ICE2: variants seen among roughly 807,000 people sequenced by gnomAD.
ICE2 encodes the protein little elongation complex subunit 2.
ICE2 carries 87 observed loss-of-function variants against 105.4 expected under a neutral mutation model. The observed-to-expected ratio is 0.83, with a 90% CI of 0.69 to 0.99. The LOEUF (loss-of-function observed/expected upper bound fraction) is 0.99, where lower values mean the gene tolerates loss of function less well. Ranked by LOEUF, ICE2 falls within the 50% of genes least tolerant of loss-of-function variation. ICE2 has a pLI of 0.00. For synonymous variants in ICE2, 399 were observed against 392.0 expected (o/e 1.02, Z -0.21); for missense variants, 1,323 against 1,146.7 (o/e 1.15, Z -2.22).
intron 3 of ICE2, among the ~76,000 whole-genome samples, chr15:60,469,291 G>A (rs951478954): frequency 1.3e-5 from 2 of 152,116 alleles, no homozygotes; most frequent in Non-Finnish European, 1.5e-5. Flanking sequence ...TGGGCGTGTT[G>A]CGGGGTGGGG....
intron 13 of ICE2, among the ~76,000 whole-genome samples, chr15:60,432,529 G>A (rs987886407): frequency 6.6e-6 from 1 of 151,304 alleles, no homozygotes; most frequent in East Asian, 2.0e-4. Flanking sequence ...TTATCATAAT[G>A]TATTTGGCTT....
chr15:60,445,571 TAGAC>T lies in ICE2; in HGVS notation c.2295+2395_2295+2398del, dbSNP rs2063805113. The T allele has an allele frequency of 1.1e-5, 11 of 962,538 alleles. No homozygotes were observed. The South Asian group carries it at 5.3e-4, about 46-fold the overall frequency. 59.6% of individuals were successfully genotyped at this position (962,538 alleles called of 1,614,324 possible). On this transcript the variant is annotated intron_variant, in intron 11 of 15. Transcript: ENST00000261520. Reference sequence around the variant, plus strand: ...CAATCAGAAATATAAGCCTTCTATTTAGACAGTCTTTAGGGTGTGACTATTTTGA... The same window carrying T: ...CAATCAGAAATATAAGCCTTCTATTTAGTCTTTAGGGTGTGACTATTTTGA...
chr15:60,456,592 C>A (rs1485977057), intron 6 of ICE2, 65 bp downstream of exon 6: 1 of 451,650 alleles, frequency 2.2e-6, no homozygotes, highest in Non-Finnish European at 4.0e-6. Flanking sequence ...TATACACACA[C>A]ACACACACAC....
intron 5 of ICE2, among the ~76,000 whole-genome samples, chr15:60,465,719 T>C (rs910425526): frequency 7.9e-5 from 12 of 151,692 alleles, no homozygotes; most frequent in African/African-American, 2.9e-4. Flanking sequence ...TGTATATATA[T>C]ATAGTTATTA....
intron 14 of ICE2, 75 bp from the exon 15 acceptor site, chr15:60,428,762 A>G (rs1191609143): frequency 2.0e-6 from 3 of 1,466,412 alleles, no homozygotes; most frequent in East Asian, 4.6e-5. Flanking sequence ...ATCATAATCT[A>G]TTAGTAAAAT....
At chr15:60,432,181 C>CAT (rs1477833949) in intron 13 of ICE2, among the ~76,000 whole-genome samples, 197 bp from the exon 14 acceptor site, 1 of 110,646 alleles carries the variant, frequency 9.0e-6, no homozygotes, top group East Asian at 2.3e-4. Flanking sequence ...AAAAAATTTC[C>CAT]TTTTTTTTTT....
At chr15:60,436,827 T>TTTG (rs1566975042) in intron 12 of ICE2, among the ~76,000 whole-genome samples, 1 of 151,956 alleles carries the variant, frequency 6.6e-6, no homozygotes, top group Non-Finnish European at 1.5e-5. Flanking sequence ...TTTATGTTAA[T>TTTG]ACATATTAAC....
rs1176031043 is a variant in ICE2, at chr15:60,449,523, T to G, written c.1444A>C (p.Lys482Gln). 2 of 1,614,204 alleles carry G rather than the reference T, an allele frequency of 1.2e-6. No individual in the cohort carries two copies. Among genetic ancestry groups the G allele is most frequent in the Non-Finnish European group, 1.7e-6 (2 of 1,180,006 alleles). The change falls in exon 10 of 16, where the codon AAA becomes CAA. Residue 482 changes from lysine (K) to glutamine (Q), a missense_variant. Lys to Gln is a moderately conservative substitution (Grantham distance 53, BLOSUM62 1). Coordinates refer to ENST00000261520, the MANE Select transcript of ICE2 (RefSeq NM_024611.6). ...TGMDGGPEECKNKDDQGFESC... is the reference protein window; with the variant it reads ...TGMDGGPEECQNKDDQGFESC... ...TCAAATCCCTGATCATCTTTATTTT[T>G]GCATTCCTCAGGGCCACCATCCATA...
intron 11 of ICE2, among the ~76,000 whole-genome samples, chr15:60,444,441 G>C (rs1167677218): frequency 1.1e-4 from 16 of 151,938 alleles, no homozygotes; most frequent in African/African-American, 3.9e-4. Flanking sequence ...AAAATTTAAG[G>C]ATAATCAAAA....
chr15:60,437,259 AAT>A (rs879345467), intron 12 of ICE2, among the ~76,000 whole-genome samples: 3 of 151,532 alleles, frequency 2.0e-5, no homozygotes, highest in South Asian at 2.1e-4. Context: ...CGTCTCAAAA[AAT>A]ATATATATAT....
At chr15:60,432,689 G>C (rs2141004596) in intron 13 of ICE2, among the ~76,000 whole-genome samples, 2 of 151,982 alleles carry the variant, frequency 1.3e-5, no homozygotes, top group Admixed American at 1.3e-4. Flanking sequence ...TCAGGAGATG[G>C]AGACCATCCT....
intron 9 of ICE2, 166 bp downstream of exon 9, chr15:60,453,437 G>A (rs2064015480): frequency 1.4e-6 from 2 of 1,396,388 alleles, no homozygotes; most frequent in Admixed American, 3.1e-5. Context: ...GGCTGAGGGA[G>A]GTTAAGTTAG....
chr15:60,435,382 C>A (rs1241985596), intron 13 of ICE2, among the ~76,000 whole-genome samples: 1 of 151,324 alleles, frequency 6.6e-6, no homozygotes, highest in Non-Finnish European at 1.5e-5. Context: ...GGAGGATCAC[C>A]CGAGGTCGGG....
chr15:60,478,023 TG>T lies in ICE2; in HGVS notation c.-47del. The T allele has an allele frequency of 1.3e-6, 2 of 1,578,804 alleles. No individual in the cohort carries two copies. The highest frequency in any genetic ancestry group is 8.7e-7 in the Non-Finnish European group (1 of 1,147,982). ...CTCTAGCTCACAGTTCACAGCTGCC[TG>T]GCTGCGAAGGCTCCAAGAGGCAGGA... On this transcript the variant is annotated 5_prime_UTR_variant, in exon 2 of 16. Transcript: ENST00000261520.
At chr15:60,433,533 C>T (rs986394895) in intron 13 of ICE2, among the ~76,000 whole-genome samples, 2 of 151,038 alleles carry the variant, frequency 1.3e-5, no homozygotes, top group African/African-American at 4.9e-5. Flanking sequence ...CTCTTTTTGC[C>T]CAGGTTGAAG....
rs1186133491 is a variant in ICE2, at chr15:60,449,737, G to A, written c.1230C>T (p.Thr410=). ...GACTTGGTGATTTTGATACTTTGGTGGTGGTTACTCCAAAAGTTTCAAGTT... is the reference window on the plus strand; with the variant it reads ...GACTTGGTGATTTTGATACTTTGGTAGTGGTTACTCCAAAAGTTTCAAGTT... ...VTELETFGVT[T]TKVSKSPSPA... Residue 410 remains threonine, a synonymous_variant, in exon 10 of 16, where the codon ACC becomes ACT. Transcript: ENST00000261520. 3 of 1,614,058 alleles carry A rather than the reference G, an allele frequency of 1.9e-6. No individual in the cohort carries two copies. The South Asian group carries it at 3.3e-5, about 18-fold the overall frequency.
In ICE2 at chr15:60,423,228, C is replaced by G. The variant is rs911903302; in HGVS notation, c.*406G>C. The G allele has an allele frequency of 1.3e-5, 2 of 154,772 alleles. No individual in the cohort carries two copies. Among genetic ancestry groups the G allele is most frequent in the African/African-American group, 4.8e-5 (2 of 41,456 alleles). The allele number at this position is 154,772 out of a possible 1,614,324, so 9.6% of individuals were successfully genotyped here. A position where few individuals can be genotyped will look rare whatever the true frequency, so the allele number is the denominator to read the frequency against. ...CAAAGTTTGCGATGCTCATAATCAT[C>G]TTCAGCAGTGGCAACATTTAACTTT... is the stretch of plus-strand genomic sequence containing the variant. On this transcript the variant is annotated 3_prime_UTR_variant, in exon 16 of 16. Coordinates refer to ENST00000261520, the MANE Select transcript of ICE2 (RefSeq NM_024611.6).
chr15:60,420,873 A>G lies in ICE2; in HGVS notation c.*2761T>C, dbSNP rs532788460. 6.6e-6 allele frequency: 1 copy of G among 152,228 alleles called. No individual in the cohort carries two copies. Among genetic ancestry groups the G allele is most frequent in the Non-Finnish European group, 1.5e-5 (1 of 68,046 alleles). 9.4% of individuals were successfully genotyped at this position (152,228 alleles called of 1,614,324 possible). ...ATCTTTGATACCTACACATTCATGCATCTAACTAATATCTGCTAAGCAACT... is the reference window on the plus strand; with the variant it reads ...ATCTTTGATACCTACACATTCATGCGTCTAACTAATATCTGCTAAGCAACT... On this transcript the variant is annotated 3_prime_UTR_variant, in exon 16 of 16. Coordinates refer to ENST00000261520, the MANE Select transcript of ICE2 (RefSeq NM_024611.6).
intron 5 of ICE2, among the ~76,000 whole-genome samples, chr15:60,458,210 T>C (rs962579784): frequency 3.9e-5 from 6 of 152,184 alleles, no homozygotes; most frequent in Non-Finnish European, 7.4e-5. Flanking sequence ...AAATGTTTTA[T>C]ATTAATAATT....
Sources: allele counts gnomAD v4.1 joint callset (sites outside exome capture counted in the v4.1 genomes callset), GRCh38; gene constraint gnomAD v4.1.1; transcripts MANE v1.5; gene names NCBI Gene and HGNC (gene_info 2026-07-23, HGNC 2026-07-21).